The following PPM1B variants were observed in gnomAD, a reference collection of about 807,000 sequenced individuals.
PPM1B encodes protein phosphatase 1B.
PPM1B carries 22 observed loss-of-function variants against 43.0 expected under a neutral mutation model. The observed-to-expected ratio is 0.51, with a 90% CI of 0.37 to 0.73. The LOEUF is 0.73. PPM1B is among the 30% of genes least tolerant of loss of function. PPM1B has a pLI of 0.00. For synonymous variants in PPM1B, 217 were observed against 197.9 expected, an observed-to-expected ratio of 1.10 and a Z score of -0.81; for missense variants, 632 against 584.2, an observed-to-expected ratio of 1.08 and a Z score of -0.84.
chr2:44,178,282 A>G (rs1184132034), intron 1 of PPM1B, among the ~76,000 whole-genome samples: 3 of 151,906 alleles, frequency 2.0e-5, no homozygotes, highest in Non-Finnish European at 4.4e-5. Flanking sequence ...ATTTTAATCA[A>G]TGGTCTAAAA....
intron 1 of PPM1B, among the ~76,000 whole-genome samples, chr2:44,169,772 C>T (rs1363918348): frequency 6.6e-6 from 1 of 152,230 alleles, no homozygotes; most frequent in African/African-American, 2.4e-5. Flanking sequence ...GTTCTACCCT[C>T]GCCTTCCCTC....
intron 5 of PPM1B, among the ~76,000 whole-genome samples, chr2:44,242,015 C>T (rs1224627200): frequency 6.6e-6 from 1 of 151,808 alleles, no homozygotes; most frequent in African/African-American, 2.4e-5. Context: ...CCTGCCACCA[C>T]GCCCGGCTAA....
At chr2:44,192,229 T>TTGTAG (rs1371708961) in intron 1 of PPM1B, among the ~76,000 whole-genome samples, 1 of 150,512 alleles carries the variant, frequency 6.6e-6, no homozygotes, top group Admixed American at 6.6e-5. Flanking sequence ...TTGTATTGTA[T>TTGTAG]TGTATTGAGA....
At chr2:44,216,700 G>T (rs1286266476) in intron 3 of PPM1B, among the ~76,000 whole-genome samples, 1 of 152,142 alleles carries the variant, frequency 6.6e-6, no homozygotes, top group Non-Finnish European at 1.5e-5. Flanking sequence ...GGCTGAGGTG[G>T]GTGGATCACG....
downstream of PPM1B, among the ~76,000 whole-genome samples, chr2:44,238,497 T>G (rs1307240896): frequency 6.6e-6 from 1 of 151,738 alleles, no homozygotes; most frequent in Non-Finnish European, 1.5e-5. Flanking sequence ...AGGTCAGGAG[T>G]TAGAGACCGG....
At chr2:44,225,060 C>T (rs368370451) in intron 5 of PPM1B, among the ~76,000 whole-genome samples, 6 of 152,074 alleles carry the variant, frequency 3.9e-5, no homozygotes, top group Middle Eastern at 3.2e-3. Flanking sequence ...AGATTGTCAC[C>T]GTGACAAATA....
chr2:44,207,668 C>T (rs919594431), intron 2 of PPM1B, among the ~76,000 whole-genome samples: 1 of 151,532 alleles, frequency 6.6e-6, no homozygotes, highest in African/African-American at 2.4e-5. Flanking sequence ...CTCCACTTCC[C>T]AGGCTTAAGC....
intron 3 of PPM1B, among the ~76,000 whole-genome samples, chr2:44,212,316 A>G (rs1669509377): frequency 6.6e-6 from 1 of 152,060 alleles, no homozygotes; most frequent in African/African-American, 2.4e-5. Flanking sequence ...TCTACTGTCA[A>G]CCCAACAAAT....
At chr2:44,206,792 C>T (rs182248707) in intron 2 of PPM1B, among the ~76,000 whole-genome samples, 10 of 152,186 alleles carry the variant, frequency 6.6e-5, no homozygotes, top group Non-Finnish European at 1.3e-4. Context: ...AAACTCCTGG[C>T]CTTAAATGAT....
chr2:44,244,259 C>T (rs1231306452), exon 6 of PPM1B: 2 of 1,355,870 alleles, frequency 1.5e-6, no homozygotes, highest in South Asian at 1.2e-5. Context: ...ATCTGTAAAC[C>T]TGCTGAGAGC....
intron 1 of PPM1B, among the ~76,000 whole-genome samples, chr2:44,179,421 T>C (rs1260793461): frequency 4.6e-5 from 7 of 152,344 alleles, no homozygotes; most frequent in African/African-American, 1.7e-4. Flanking sequence ...CCCGAGTGGT[T>C]AGTGGCTACT....
intron 5 of PPM1B, among the ~76,000 whole-genome samples, chr2:44,223,108 A>G (rs1558426774): frequency 6.6e-6 from 1 of 152,204 alleles, no homozygotes; most frequent in Admixed American, 6.5e-5. Flanking sequence ...CTGGGATTAC[A>G]GACGTGAGCC....
intron 5 of PPM1B, among the ~76,000 whole-genome samples, chr2:44,242,720 A>G (rs925682387): frequency 6.6e-6 from 1 of 151,980 alleles, no homozygotes; most frequent in African/African-American, 2.4e-5. Flanking sequence ...TTTTTCTCAT[A>G]TTTGCTTATT....
chr2:44,226,496 T>G (rs1670215619), intron 5 of PPM1B, among the ~76,000 whole-genome samples: 1 of 152,156 alleles, frequency 6.6e-6, no homozygotes, highest in South Asian at 2.1e-4. Flanking sequence ...TTAGTCTATA[T>G]CAGTGATTCT....
intron 1 of PPM1B, among the ~76,000 whole-genome samples, chr2:44,195,216 T>C (rs1189431335): frequency 2.0e-5 from 3 of 151,086 alleles, no homozygotes; most frequent in Non-Finnish European, 4.4e-5. Context: ...TTTTTTTTTT[T>C]TTCAAGAGAC....
chr2:44,180,204 C>T (rs1232061139), intron 1 of PPM1B, among the ~76,000 whole-genome samples: 1 of 152,012 alleles, frequency 6.6e-6, no homozygotes, highest in Non-Finnish European at 1.5e-5. Context: ...TATATTTCTC[C>T]CTTTGTTTTG....
At chr2:44,228,284 C>T (rs1054338470) in intron 5 of PPM1B, among the ~76,000 whole-genome samples, 3 of 140,460 alleles carry the variant, frequency 2.1e-5, no homozygotes, top group Non-Finnish European at 4.9e-5. Flanking sequence ...ACCTCCTCGA[C>T]TTAGCTCAAC....
chr2:44,243,686 A>T (rs1042415111), intron 5 of PPM1B, among the ~76,000 whole-genome samples: 6 of 152,142 alleles, frequency 3.9e-5, no homozygotes, highest in African/African-American at 1.4e-4. Flanking sequence ...TTTTATAAGC[A>T]TTCTATTTTA....
chr2:44,190,606 T>C (rs577544347), intron 1 of PPM1B, among the ~76,000 whole-genome samples: 3 of 152,334 alleles, frequency 2.0e-5, no homozygotes, highest in South Asian at 4.1e-4. Flanking sequence ...TAAAGAACTC[T>C]AAAAAAATTT....
Sources: gnomAD v4.1 joint callset for allele counts (sites outside exome capture counted in the v4.1 genomes callset) on GRCh38, gnomAD v4.1.1 for gene constraint, MANE v1.5 for transcripts, NCBI Gene and HGNC (gene_info 2026-07-23, HGNC 2026-07-21) for gene names.